Variants in TACC1 observed in about 807,000 individuals in gnomAD.
TACC1 encodes the protein transforming acidic coiled-coil-containing protein 1.
TACC1 carries 48 observed loss-of-function variants against 84.4 expected under a neutral mutation model. That is an observed-to-expected ratio of 0.57 (90% confidence interval 0.45 to 0.72). The LOEUF is 0.72. TACC1 is among the 30% of genes least tolerant of loss of function. The pLI, the probability that TACC1 is intolerant of heterozygous loss-of-function variation, is 0.00. For synonymous variants in TACC1, 372 were observed against 376.3 expected, an observed-to-expected ratio of 0.99 and a Z score of 0.13; for missense variants, 920 against 973.0, an observed-to-expected ratio of 0.95 and a Z score of 0.72.
At chr8:38,802,678 A>T (rs1245087400) in intron 2 of TACC1, among the ~76,000 whole-genome samples, 2 of 152,236 alleles carry the variant, frequency 1.3e-5, no homozygotes, top group Non-Finnish European at 2.9e-5. Context: ...TGGCACAGGC[A>T]TCTGTTTCTG....
chr8:38,775,907 A>T (rs1814716101), intron 3 of TACC1, among the ~76,000 whole-genome samples: 1 of 152,220 alleles, frequency 6.6e-6, no homozygotes, highest in African/African-American at 2.4e-5. Context: ...AAATAATACA[A>T]CAAAATAACT....
At chr8:38,799,044 T>C (rs949706485) in intron 2 of TACC1, among the ~76,000 whole-genome samples, 1 of 152,192 alleles carries the variant, frequency 6.6e-6, no homozygotes, top group Non-Finnish European at 1.5e-5. Context: ...CTAATATACA[T>C]CTGATTAACA....
upstream of TACC1, chr8:38,785,685 C>A (rs2151968030): frequency 1.0e-6 from 1 of 985,348 alleles, no homozygotes; most frequent in Non-Finnish European, 1.2e-6. Flanking sequence ...GAAACAGAAC[C>A]CTGTGTCAAA....
intron 2 of TACC1, among the ~76,000 whole-genome samples, chr8:38,790,948 AGCTTCCCTTTTCTTC>A (rs1443576804): frequency 2.6e-5 from 4 of 152,216 alleles, no homozygotes; most frequent in African/African-American, 9.6e-5. Context: ...TATTCCTCAT[AGCTTCCCTTTTCTTC>A]CGTAAAGATT....
At chr8:38,842,528 C>T (rs1411803468) in intron 10 of TACC1, 81 bp downstream of exon 10, 1 of 1,436,632 alleles carries the variant, frequency 7.0e-7, no homozygotes. Flanking sequence ...ATACATATGC[C>T]AGAGGTTGTG....
At chr8:38,783,106 CTA>C (rs72048692), upstream of TACC1, among the ~76,000 whole-genome samples, 3,330 of 87,250 alleles carry the variant, frequency 0.038, 92 homozygotes, top group African/African-American at 0.094. Context: ...ATCTATCTAT[CTA>C]TATATATATA....
intron 2 of TACC1, among the ~76,000 whole-genome samples, chr8:38,798,314 T>C (rs553030102): frequency 3.9e-5 from 6 of 152,232 alleles, no homozygotes; most frequent in African/African-American, 1.2e-4. Context: ...TAAAATAGCA[T>C]AAAGTGCTGT....
chr8:38,834,101 C>T (rs777295019), intron 6 of TACC1, among the ~76,000 whole-genome samples: 3 of 152,192 alleles, frequency 2.0e-5, no homozygotes, highest in Non-Finnish European at 2.9e-5. Flanking sequence ...TGTTTCTGTG[C>T]GTCAGGAATC....
chr8:38,733,521 A>G (rs1321952101), intron 1 of TACC1, among the ~76,000 whole-genome samples: 1 of 152,110 alleles, frequency 6.6e-6, no homozygotes, highest in Non-Finnish European at 1.5e-5. Flanking sequence ...CTGGTGGGAA[A>G]GGCACTCTCC....
intron 2 of TACC1, among the ~76,000 whole-genome samples, chr8:38,798,848 C>T (rs1256655371): frequency 6.6e-6 from 1 of 152,074 alleles, no homozygotes; most frequent in African/African-American, 2.4e-5. Context: ...GGAAAAGGGC[C>T]TATTGTACGG....
chr8:38,803,713 T>C (rs895955320), intron 2 of TACC1, among the ~76,000 whole-genome samples: 1 of 152,214 alleles, frequency 6.6e-6, no homozygotes, highest in South Asian at 2.1e-4. Context: ...AAGATGCTGG[T>C]CTGTAGTTTT....
intron 2 of TACC1, chr8:38,799,776 CAA>C (rs774962246): frequency 6.6e-6 from 1 of 152,150 alleles, no homozygotes; most frequent in Non-Finnish European, 1.5e-5. Flanking sequence ...TGGGCTTCCT[CAA>C]GAGAAATTTA....
upstream of TACC1, among the ~76,000 whole-genome samples, chr8:38,786,621 G>A (rs995259433): frequency 1.2e-4 from 19 of 152,122 alleles, no homozygotes; most frequent in African/African-American, 4.6e-4. Flanking sequence ...CCTAAGACAA[G>A]ACCTGGGCAC....
chr8:38,738,023 G>A (rs145876363), intron 1 of TACC1, among the ~76,000 whole-genome samples: 7 of 152,048 alleles, frequency 4.6e-5, no homozygotes, highest in South Asian at 2.1e-4. Context: ...CACTGCGCCC[G>A]GCCTGGGAAC....
chr8:38,831,143 G>A lies in TACC1; in HGVS notation c.1679G>A (p.Cys560Tyr), dbSNP rs768546435. 6.2e-7 allele frequency: 1 copy of A among 1,614,210 alleles called. No homozygotes were observed. The highest frequency in any genetic ancestry group is 2.2e-5 in the East Asian group (1 of 44,888). The part of the protein sequence containing the change: ...SSEAGIEKET[C>Y]QKMEEDGSTV... The stretch of plus-strand genomic sequence containing the variant: ...GTCTTAGGCATAGAGAAGGAGACGT[G>A]CCAGAAGATGGAAGAAGACGGGTCC... The change falls in exon 6 of 13, where the codon TGC becomes TAC. Residue 560 changes from cysteine (C) to tyrosine (Y), a missense_variant. Transcript: ENST00000317827.
intron 2 of TACC1, among the ~76,000 whole-genome samples, chr8:38,804,576 C>T (rs1051365152): frequency 1.3e-5 from 2 of 152,202 alleles, no homozygotes; most frequent in African/African-American, 2.4e-5. Context: ...GCTGGGATTA[C>T]AGGCGTGAGC....
rs1258555605 is a variant in TACC1, at chr8:38,740,501, A to T, written c.-674-1850A>T. On this transcript the variant is annotated intron_variant, in intron 1 of 14. Transcript: ENST00000518415. ...ACCTTTTTGATCCCAAATGCTCAAGAAAGTGGTTACAGTATCCATAGCAAT... is the reference window on the plus strand; with the variant it reads ...ACCTTTTTGATCCCAAATGCTCAAGTAAGTGGTTACAGTATCCATAGCAAT... Among the ~76,000 whole-genome samples the T allele has an allele frequency of 3.3e-5, 5 of 152,220 alleles. No individual in the cohort carries two copies. The South Asian group carries it at 1.0e-3, about 32-fold the overall frequency.
intron 3 of TACC1, among the ~76,000 whole-genome samples, chr8:38,748,138 A>G (rs1055621763): frequency 1.3e-5 from 2 of 152,238 alleles, no homozygotes; most frequent in African/African-American, 2.4e-5. Flanking sequence ...TCATGTAAAT[A>G]GTAAGCACAA....
At chr8:38,742,424 G>C in exon 2 of TACC1, 1 of 1,529,740 alleles carries the variant, frequency 6.5e-7, no homozygotes, top group South Asian at 1.2e-5. Context: ...AGTACACTGA[G>C]ATCAAATGCA....
Sources: gnomAD v4.1 joint callset for allele counts (sites outside exome capture counted in the v4.1 genomes callset) on GRCh38, gnomAD v4.1.1 for gene constraint, MANE v1.5 for transcripts, NCBI Gene and HGNC (gene_info 2026-07-23, HGNC 2026-07-21) for gene names.